The following DGKB variants were observed in gnomAD, a reference collection of about 807,000 sequenced individuals.
DGKB encodes the protein diacylglycerol kinase beta.
Under a neutral mutation model 114.3 loss-of-function variants are expected in DGKB, and 67 were observed. The ratio of observed to expected loss-of-function variants is 0.59; its 90% CI spans 0.48 to 0.72. The LOEUF (loss-of-function observed/expected upper bound fraction) is 0.72. Among genes scored for constraint, DGKB ranks in the 30% least tolerant of loss-of-function variants. DGKB has a pLI of 0.00. For missense variants in DGKB, 907 were observed against 975.2 expected, an observed-to-expected ratio of 0.93 and a Z score of 0.93; for synonymous variants, 398 against 323.1, an observed-to-expected ratio of 1.23 and a Z score of -2.49.
At chr7:14,213,948 T>A (rs73273612) in intron 23 of DGKB, among the ~76,000 whole-genome samples, 2 of 152,162 alleles carry the variant, frequency 1.3e-5, no homozygotes, top group South Asian at 4.1e-4. Context: ...TAGTTATTAG[T>A]ATAGTGAGGT....
rs181805509 is a variant in DGKB at position 14,893,164 on chromosome 7, C to G, written c.-188+9428G>C. Among the ~76,000 whole-genome samples the G allele has an allele frequency of 1.1e-3, 163 of 151,304 alleles. 1 individual carries two copies. Among genetic ancestry groups the G allele is most frequent in the African/African-American group, 3.8e-3 (157 of 41,416 alleles). Reference sequence around the variant, plus strand: ...GAATGAGTCACTCTGTCTCCATTTCCTGAACTCCTACTCACTCAACAAGTT... The same window carrying G: ...GAATGAGTCACTCTGTCTCCATTTCGTGAACTCCTACTCACTCAACAAGTT... On this transcript the variant is annotated intron_variant, in intron 1 of 25. Transcript: ENST00000402815.
rs192653282 is a variant in DGKB, at chr7:14,848,144, C to T, written c.-187-6694G>A. On this transcript the variant is annotated intron_variant, in intron 1 of 25. Transcript: ENST00000402815. ...AGGACAAGAATGGAAGGGGGAAGAC[C>T]AATTAAGAGGCTGTTCCAATATTGT... 7.2e-5 allele frequency among the ~76,000 whole-genome samples: 11 copies of T among 152,146 alleles called. No individual in the cohort carries two copies. In the East Asian group the frequency reaches 1.5e-3, roughly 21 times the overall value.
At chr7:14,171,865 G>A (rs1401412658) in intron 25 of DGKB, among the ~76,000 whole-genome samples, 1 of 152,218 alleles carries the variant, frequency 6.6e-6, no homozygotes, top group Admixed American at 6.5e-5. Context: ...GTGAGGTACA[G>A]TGCTACGCTC....
intron 25 of DGKB, among the ~76,000 whole-genome samples, chr7:14,168,448 A>T (rs922012913): frequency 1.3e-5 from 2 of 152,236 alleles, no homozygotes; most frequent in African/African-American, 4.8e-5. Flanking sequence ...ACAGCTACAG[A>T]TTCGTGAAGC....
intron 20 of DGKB, among the ~76,000 whole-genome samples, chr7:14,551,860 A>G (rs1459786011): frequency 6.6e-6 from 1 of 152,148 alleles, no homozygotes; most frequent in East Asian, 1.9e-4. Flanking sequence ...AAGTCATATT[A>G]CTATTGTTAC....
At chr7:14,278,869 A>G (rs1307968037) in intron 23 of DGKB, among the ~76,000 whole-genome samples, 1 of 152,176 alleles carries the variant, frequency 6.6e-6, no homozygotes, top group Non-Finnish European at 1.5e-5. Context: ...ATGAATTGGA[A>G]AGGAGGAGCC....
At chr7:14,661,621 T>G (rs1211874558) in intron 13 of DGKB, among the ~76,000 whole-genome samples, 1 of 152,048 alleles carries the variant, frequency 6.6e-6, no homozygotes, top group Non-Finnish European at 1.5e-5. Context: ...TGTAAACTAG[T>G]TCAGCCATTG....
intron 23 of DGKB, among the ~76,000 whole-genome samples, chr7:14,207,074 T>C (rs754842468): frequency 6.6e-6 from 1 of 152,090 alleles, no homozygotes; most frequent in Non-Finnish European, 1.5e-5. Context: ...TTGATCATGT[T>C]TTCTTGCTGC....
At chr7:14,716,079 T>C (rs1828132262) in intron 6 of DGKB, among the ~76,000 whole-genome samples, 2 of 152,188 alleles carry the variant, frequency 1.3e-5, no homozygotes, top group South Asian at 4.1e-4. Context: ...TTCGTTTATC[T>C]AATAACCCAG....
At chr7:14,579,065 G>A (rs1027867674) in intron 19 of DGKB, among the ~76,000 whole-genome samples, 2 of 152,116 alleles carry the variant, frequency 1.3e-5, no homozygotes, top group African/African-American at 4.8e-5. Flanking sequence ...CCTCCTCAGA[G>A]AGACCTTCTT....
At chr7:14,313,633 G>T (rs544024858) in intron 23 of DGKB, among the ~76,000 whole-genome samples, 1 of 152,018 alleles carries the variant, frequency 6.6e-6, no homozygotes, top group African/African-American at 2.4e-5. Context: ...AGGGTCCTAC[G>T]CCCACGGAGT....
intron 23 of DGKB, among the ~76,000 whole-genome samples, chr7:14,281,122 T>C (rs139980839): frequency 0.74 from 102,661 of 137,840 alleles, 39,160 homozygotes; most frequent in South Asian, 0.84. Context: ...ACCCATCTCA[T>C]GTGCAGAGAC....
chr7:14,640,012 G>A (rs1443438354), intron 13 of DGKB, among the ~76,000 whole-genome samples: 1 of 152,316 alleles, frequency 6.6e-6, no homozygotes, highest in South Asian at 2.1e-4. Context: ...TATGTGAAGA[G>A]CCAGACAAGA....
chr7:14,312,042 C>T (rs183011158), intron 23 of DGKB, among the ~76,000 whole-genome samples: 29 of 152,094 alleles, frequency 1.9e-4, no homozygotes, highest in African/African-American at 6.0e-4. Flanking sequence ...ATTAACACAG[C>T]CTTCAGTGTG....
At chr7:14,455,374 G>A (rs756294079) in intron 21 of DGKB, among the ~76,000 whole-genome samples, 16 of 152,006 alleles carry the variant, frequency 1.1e-4, no homozygotes, top group Non-Finnish European at 2.4e-4. Flanking sequence ...AGAAATAAGT[G>A]CAGAATGAAT....
At chr7:14,231,393 C>G (rs2128341549) in intron 23 of DGKB, among the ~76,000 whole-genome samples, 1 of 151,968 alleles carries the variant, frequency 6.6e-6, no homozygotes, top group Non-Finnish European at 1.5e-5. Flanking sequence ...CTGCCTTGGC[C>G]TCCCCCAAAA....
At chr7:14,157,606 A>C (rs1783209155) in intron 25 of DGKB, among the ~76,000 whole-genome samples, 1 of 152,180 alleles carries the variant, frequency 6.6e-6, no homozygotes, top group East Asian at 1.9e-4. Flanking sequence ...CTATTTGGCC[A>C]CATTGCATGG....
intron 2 of DGKB, among the ~76,000 whole-genome samples, chr7:14,824,995 T>G (rs1047248733): frequency 3.3e-5 from 3 of 89,988 alleles, no homozygotes; most frequent in Non-Finnish European, 6.5e-5. Context: ...TATATGTGTG[T>G]ATATATATAT....
In DGKB at chr7:14,315,506, G is replaced by T. The variant is rs1384152455; in HGVS notation, c.2122+23009C>A. On this transcript the variant is annotated intron_variant, in intron 23 of 25. Transcript: ENST00000402815. ...TCCTAGTCTCTGATAAAACAGACTT[G>T]AAACCAACAAAGATCAAAAGACACA... Among the ~76,000 whole-genome samples the T allele has an allele frequency of 3.2e-3, 485 of 150,670 alleles. 4 individuals carry two copies. Among genetic ancestry groups the T allele is most frequent in the South Asian group, 0.011 (51 of 4,736 alleles).
Sources: gnomAD v4.1 joint callset for allele counts (sites outside exome capture counted in the v4.1 genomes callset) on GRCh38, gnomAD v4.1.1 for gene constraint, MANE v1.5 for transcripts, NCBI Gene and HGNC (gene_info 2026-07-23, HGNC 2026-07-21) for gene names.